Variants in CDH13 observed in about 807,000 individuals in gnomAD.
CDH13 encodes the protein cadherin 13.
In CDH13, 24 loss-of-function variants were observed where a neutral mutation model predicts 63.8. That is an observed-to-expected ratio of 0.38 (90% CI 0.27 to 0.53). The LOEUF is 0.53. Ranked by LOEUF, CDH13 falls within the 20% of genes least tolerant of loss-of-function variation. CDH13 has a pLI of 0.85. For synonymous variants in CDH13, 503 were observed against 355.3 expected, an observed-to-expected ratio of 1.42 and a Z score of -4.67; for missense variants, 1,049 against 903.1, an observed-to-expected ratio of 1.16 and a Z score of -2.07.
intron 7 of CDH13, among the ~76,000 whole-genome samples, chr16:83,601,443 A>G (rs1907786587): frequency 6.6e-6 from 1 of 152,208 alleles, no homozygotes; most frequent in South Asian, 2.1e-4. Flanking sequence ...GAATAGTGCA[A>G]TATTGCTTGT....
At chr16:83,312,515 G>C (rs1462909434) in intron 5 of CDH13, among the ~76,000 whole-genome samples, 1 of 152,140 alleles carries the variant, frequency 6.6e-6, no homozygotes, top group Non-Finnish European at 1.5e-5. Flanking sequence ...CTTGGTTCCT[G>C]TTGCCAGGAG....
rs2073818112 is a variant in CDH13 at position 83,483,434 on chromosome 16, A to G, written c.782-3043A>G. Among the ~76,000 whole-genome samples, 5 of 151,408 alleles carry G rather than the reference A, an allele frequency of 3.3e-5. No individual in the cohort carries two copies. In the South Asian group the frequency reaches 6.3e-4, roughly 19 times the overall value. ...AAAGATATCCTCAGTGAATTTCCTG[A>G]TGAAAACTAAAGACTCATCAACCTG... On this transcript the variant is annotated intron_variant, in intron 6 of 13. Coordinates refer to ENST00000567109, the MANE Select transcript of CDH13 (RefSeq NM_001257.5).
chr16:82,665,229 A>G (rs1462277295), intron 1 of CDH13, among the ~76,000 whole-genome samples: 1 of 152,182 alleles, frequency 6.6e-6, no homozygotes, highest in Non-Finnish European at 1.5e-5. Context: ...AATGGCCCCA[A>G]GTGGACTGCA....
chr16:82,775,802 G>T (rs933664004), intron 1 of CDH13, among the ~76,000 whole-genome samples: 1 of 152,120 alleles, frequency 6.6e-6, no homozygotes, highest in Non-Finnish European at 1.5e-5. Context: ...AATTTGCCTG[G>T]GTGCAAGGTG....
chr16:83,195,818 A>G (rs150813110), intron 4 of CDH13, among the ~76,000 whole-genome samples: 2 of 152,304 alleles, frequency 1.3e-5, no homozygotes, highest in African/African-American at 4.8e-5. Context: ...CAGCCACACA[A>G]ACGTGTCCAA....
intron 5 of CDH13, among the ~76,000 whole-genome samples, chr16:83,306,549 G>GTCC (rs2089883758): frequency 1.3e-5 from 2 of 152,158 alleles, no homozygotes; most frequent in Non-Finnish European, 2.9e-5. Flanking sequence ...CAGCTCAAAA[G>GTCC]TCCTCCCTAG....
rs2036394318 is a variant in CDH13 at position 83,138,495 on chromosome 16, A to G, written c.483+12994A>G. ...GCGCTCTCCAGGCAGTGGGAAGAAC[A>G]TGATCCAGTATCTACGGGCGAGAGG... On this transcript the variant is annotated intron_variant, in intron 4 of 13. Transcript: ENST00000567109. Among the ~76,000 whole-genome samples, 4 of 152,220 alleles carry G rather than the reference A, an allele frequency of 2.6e-5. No individual in the cohort carries two copies. In the South Asian group the frequency reaches 6.2e-4, roughly 24 times the overall value.
intron 8 of CDH13, among the ~76,000 whole-genome samples, chr16:83,635,368 G>T (rs1263047633): frequency 2.1e-5 from 2 of 95,588 alleles, no homozygotes; most frequent in Admixed American, 1.8e-4. Flanking sequence ...TTTTGAGACA[G>T]AGTCTCACTC....
intron 1 of CDH13, among the ~76,000 whole-genome samples, chr16:82,818,724 G>T (rs116800129): frequency 2.6e-5 from 4 of 152,126 alleles, no homozygotes; most frequent in Non-Finnish European, 5.9e-5. Context: ...CCTCACATCT[G>T]GCCACAGGCA....
Position 82,627,107 on chromosome 16 carries a change from T to A in CDH13, c.15T>A (p.Thr5=). The change falls in exon 1 of 14, where the codon ACT becomes ACA. Residue 5 remains threonine, a synonymous_variant. Coordinates refer to ENST00000567109, the MANE Select transcript of CDH13 (RefSeq NM_001257.5). MQPR[T]PLVLCVLLSQ... is the part of the protein sequence containing the mutation. ...AGTCGGACAAAATGCAGCCGAGAAC[T>A]CCGCTCGTTCTGTGCGTTCTCCTGT... 1 of 1,605,806 alleles carries A rather than the reference T, an allele frequency of 6.2e-7. No individual in the cohort carries two copies. The highest frequency in any genetic ancestry group is 1.1e-5 in the South Asian group (1 of 89,240).
chr16:82,640,408 A>G (rs980596707), intron 1 of CDH13, among the ~76,000 whole-genome samples: 8 of 152,182 alleles, frequency 5.3e-5, no homozygotes, highest in African/African-American at 1.4e-4. Context: ...TATGGCAACT[A>G]ATGATTTAAA....
chr16:83,368,771 C>T (rs887202441), intron 6 of CDH13, among the ~76,000 whole-genome samples: 1 of 150,718 alleles, frequency 6.6e-6, no homozygotes, highest in Admixed American at 6.6e-5. Flanking sequence ...ATATGACATT[C>T]GATTTTCCAT....
intron 3 of CDH13, among the ~76,000 whole-genome samples, chr16:83,112,810 A>T (rs936427555): frequency 6.6e-6 from 1 of 152,204 alleles, no homozygotes; most frequent in African/African-American, 2.4e-5. Flanking sequence ...GACCTTCGTG[A>T]GCACCGTGCA....
intron 4 of CDH13, among the ~76,000 whole-genome samples, chr16:83,213,997 C>T (rs113547902): frequency 0.024 from 3,615 of 152,166 alleles, 55 homozygotes; most frequent in Non-Finnish European, 0.033. Flanking sequence ...GTGGGCCAAT[C>T]AGCACTCTGT....
intron 2 of CDH13, among the ~76,000 whole-genome samples, chr16:82,889,594 C>T (rs552807818): frequency 7.9e-5 from 12 of 152,146 alleles, no homozygotes; most frequent in South Asian, 4.1e-4. Context: ...ATAGTATCCA[C>T]AGGATACAAG....
intron 7 of CDH13, among the ~76,000 whole-genome samples, chr16:83,545,679 C>T (rs2075374448): frequency 6.6e-6 from 1 of 152,174 alleles, no homozygotes; most frequent in South Asian, 2.1e-4. Flanking sequence ...ATCCTTTAGA[C>T]TCTCCATACA....
chr16:83,377,853 C>A (rs1203313230), intron 6 of CDH13, among the ~76,000 whole-genome samples: 2 of 152,078 alleles, frequency 1.3e-5, no homozygotes, highest in Non-Finnish European at 2.9e-5. Flanking sequence ...CACAGCTAAC[C>A]AATAAGGTAC....
chr16:82,807,092 T>C (rs578113763), intron 1 of CDH13, among the ~76,000 whole-genome samples: 6 of 151,838 alleles, frequency 4.0e-5, no homozygotes, highest in Non-Finnish European at 8.8e-5. Flanking sequence ...TCATGCCTTT[T>C]TTTTTTTTTT....
intron 5 of CDH13, among the ~76,000 whole-genome samples, chr16:83,311,415 T>C (rs1423137750): frequency 1.3e-5 from 2 of 152,246 alleles, no homozygotes; most frequent in Non-Finnish European, 2.9e-5. Flanking sequence ...GAAAATACTT[T>C]CTCTCCAATC....
Sources: allele counts gnomAD v4.1 joint callset (sites outside exome capture counted in the v4.1 genomes callset), GRCh38; gene constraint gnomAD v4.1.1; transcripts MANE v1.5; gene names NCBI Gene and HGNC (gene_info 2026-07-23, HGNC 2026-07-21).